Variants in HSPG2 observed in about 807,000 individuals in gnomAD.
The protein encoded by HSPG2 is basement membrane-specific heparan sulfate proteoglycan core protein.
Under a neutral mutation model 526.6 loss-of-function variants are expected in HSPG2, and 278 were observed. The ratio of observed to expected loss-of-function variants is 0.53; its 90% CI spans 0.48 to 0.58. HSPG2 has a LOEUF of 0.58. HSPG2 is among the 20% of genes least tolerant of loss of function. The probability of loss-of-function intolerance (pLI) is 0.00; values close to 1 mark genes in which losing one functional copy is unlikely to be tolerated. For synonymous variants in HSPG2, 2,465 were observed against 2,555.4 expected, an observed-to-expected ratio of 0.96 and a Z score of 1.07; for missense variants, 5,354 against 6,099.5, an observed-to-expected ratio of 0.88 and a Z score of 4.07.
intron 52 of HSPG2, 148 bp downstream of exon 52, chr1:21,852,552 C>G (rs1638984646): frequency 4.4e-6 from 5 of 1,130,486 alleles, no homozygotes; most frequent in Non-Finnish European, 5.2e-6. Context: ...GGTGGTTACT[C>G]TGACAGGTGG....
rs532465289 is a variant in HSPG2 at position 21,878,302 on chromosome 1, G to A, written c.2618-49C>T. On this transcript the variant is annotated intron_variant, in intron 20 of 96. Coordinates refer to ENST00000374695, the MANE Select transcript of HSPG2 (RefSeq NM_005529.7). ...CAGGGCAGGTGGGAATGGGATATAC[G>A]TGGTCCGGGCAGATAGAGGAACAGT... 1.8e-5 allele frequency: 29 copies of A among 1,600,662 alleles called. No homozygotes were observed. The East Asian group carries it at 3.6e-4, about 20-fold the overall frequency.
chr1:21,916,653 T>C (rs1025752745), intron 1 of HSPG2, among the ~76,000 whole-genome samples: 18 of 150,770 alleles, frequency 1.2e-4, no homozygotes, highest in African/African-American at 3.7e-4. Context: ...GATTGCGCCA[T>C]TGCACTCCAG....
chr1:21,880,391 C>T lies in HSPG2; in HGVS notation c.2167G>A (p.Gly723Ser), dbSNP rs1641401970. 1.9e-6 allele frequency: 3 copies of T among 1,614,034 alleles called. No individual in the cohort carries two copies. The highest frequency in any genetic ancestry group is 2.5e-6 in the Non-Finnish European group (3 of 1,180,062). ...CACTCCTCCACACTGTGGGCACGGCCATGGCTGGTGGCATGGGTGACGGTG... is the reference window on the plus strand; with the variant it reads ...CACTCCTCCACACTGTGGGCACGGCTATGGCTGGTGGCATGGGTGACGGTG... ...DTTVTHATSH[G>S]RAHSVEECRC... Residue 723 changes from glycine (G) to serine (S), a missense_variant, in exon 16 of 97, where the codon GGC (glycine) becomes AGC (serine). By Grantham distance (56) the Gly-to-Ser change is moderately conservative. Coordinates refer to ENST00000374695, the MANE Select transcript of HSPG2 (RefSeq NM_005529.7).
rs1642905108 is a variant in HSPG2, at chr1:21,898,519, G to GT, written c.64-2210_64-2209insA. Among the ~76,000 whole-genome samples, 1 of 152,230 alleles carries GT rather than the reference G, an allele frequency of 6.6e-6. No homozygotes were observed. Among genetic ancestry groups the GT allele is most frequent in the Non-Finnish European group, 1.5e-5 (1 of 68,036 alleles). On this transcript the variant is annotated intron_variant, in intron 1 of 96. Coordinates refer to ENST00000374695, the MANE Select transcript of HSPG2 (RefSeq NM_005529.7). The surrounding 1 kb of genome is among the most constrained non-coding windows in gnomAD (Gnocchi z 4.0). Reference sequence around the variant, plus strand: ...GCTCCTTCTCAGAGACAGTGAGTCAGGTTTTTCCATCCCAGGAGGGTGGTC... The same window carrying GT: ...GCTCCTTCTCAGAGACAGTGAGTCAGTGTTTTTCCATCCCAGGAGGGTGGTC...
In HSPG2 at chr1:21,839,659, C is replaced by A. The variant is rs2098040852; in HGVS notation, c.9710-109G>T. On this transcript the variant is annotated intron_variant, in intron 72 of 96. Coordinates refer to ENST00000374695, the MANE Select transcript of HSPG2 (RefSeq NM_005529.7). This position sits in a 1 kb window ranked among gnomAD's most constrained non-coding sequence, Gnocchi z 4.5. ...GGGTGATCCTGTCCCTCTATGGGGA[C>A]CCCAGTTGGGTTCCTCGGCCATCAC... The A allele has an allele frequency of 4.2e-6, 6 of 1,433,818 alleles. No individual in the cohort carries two copies. The South Asian group carries it at 7.2e-5, about 17-fold the overall frequency. The allele number at this position is 1,433,818 out of a possible 1,614,324, so 88.8% of individuals were successfully genotyped here. A position where few individuals can be genotyped will look rare whatever the true frequency, so the allele number is the denominator to read the frequency against.
At position 21,829,367 on chromosome 1, in the gene HSPG2, G is replaced by T. The variant is rs773533285; in HGVS notation, c.11992+16C>A. On this transcript the variant is annotated intron_variant, in intron 87 of 96. Transcript: ENST00000374695. ...GCTTGGTGTGCAGAGCCCCGCATTTGGTGCTGGGTGCTTACCTGACCCCAA... is the reference window on the plus strand; with the variant it reads ...GCTTGGTGTGCAGAGCCCCGCATTTTGTGCTGGGTGCTTACCTGACCCCAA... The T allele has an allele frequency of 1.6e-5, 26 of 1,610,416 alleles. No individual in the cohort carries two copies. The South Asian group carries it at 2.6e-4, about 16-fold the overall frequency.
At chr1:21,829,882 G>A (rs1557674517) in intron 86 of HSPG2, 111 bp downstream of exon 86, 17 of 996,120 alleles carry the variant, frequency 1.7e-5, no homozygotes, top group Non-Finnish European at 2.5e-5. Flanking sequence ...AGATCCTCTG[G>A]CTTGGGAATC....
chr1:21,927,177 C>A (rs1644219967), intron 1 of HSPG2, among the ~76,000 whole-genome samples: 1 of 152,222 alleles, frequency 6.6e-6, no homozygotes, highest in Non-Finnish European at 1.5e-5. Context: ...AGGCCCCAGC[C>A]AGGCCTCCCC....
chr1:21,827,741 C>T, intron 91 of HSPG2, 122 bp downstream of exon 91: 1 of 1,056,730 alleles, frequency 9.5e-7, no homozygotes, highest in Non-Finnish European at 1.4e-6. Context: ...TTCATTCTGT[C>T]TCTCTGCCCA....
rs1191741336 is a variant in HSPG2 at position 21,828,173 on chromosome 1, G to A, written c.12410-21C>T. The A allele has an allele frequency of 1.3e-5, 20 of 1,536,628 alleles. No homozygotes were observed. Among genetic ancestry groups the A allele is most frequent in the South Asian group, 2.2e-5 (2 of 89,718 alleles). Reference sequence around the variant, plus strand: ...GTCTCCTGTGGGCCAGGGCAGAGGCGAGTGGGTGGGTGGGCATGGGCTGGA... The same window carrying A: ...GTCTCCTGTGGGCCAGGGCAGAGGCAAGTGGGTGGGTGGGCATGGGCTGGA... On this transcript the variant is annotated intron_variant, in intron 89 of 96. Transcript: ENST00000374695. The surrounding 1 kb of genome is among the most constrained non-coding windows in gnomAD (Gnocchi z 6.0).
At chr1:21,902,061 C>A (rs1434894334) in intron 1 of HSPG2, among the ~76,000 whole-genome samples, 1 of 152,220 alleles carries the variant, frequency 6.6e-6, no homozygotes, top group Non-Finnish European at 1.5e-5. Context: ...TGCCCCACCC[C>A]CAGGCCACCC....
chr1:21,869,160 G>A (rs1280584192), intron 33 of HSPG2, among the ~76,000 whole-genome samples: 25 of 152,130 alleles, frequency 1.6e-4, no homozygotes, highest in African/African-American at 2.4e-5. Context: ...TCCCAATCCC[G>A]GCCCAGGTCC....
intron 1 of HSPG2, among the ~76,000 whole-genome samples, chr1:21,905,608 G>A (rs1279231194): frequency 6.6e-6 from 1 of 152,230 alleles, no homozygotes; most frequent in African/African-American, 2.4e-5. Flanking sequence ...CTGGTGTGGT[G>A]GCAGGCGCCT....
intron 1 of HSPG2, among the ~76,000 whole-genome samples, chr1:21,920,968 C>T (rs1223204711): frequency 6.6e-6 from 1 of 152,224 alleles, no homozygotes; most frequent in Non-Finnish European, 1.5e-5. Context: ...TCTTCCAGCT[C>T]ATCCCCAACG....
At chr1:21,823,903 C>A in intron 95 of HSPG2, 184 bp from the exon 96 acceptor site, 1 of 724,082 alleles carries the variant, frequency 1.4e-6, no homozygotes, top group Non-Finnish European at 2.4e-6. Context: ...CTCATTTCTG[C>A]ACCCAGGTTT....
chr1:21,890,775 G>T lies in HSPG2; in HGVS notation c.245-81C>A. On this transcript the variant is annotated intron_variant, in intron 3 of 96. Coordinates refer to ENST00000374695, the MANE Select transcript of HSPG2 (RefSeq NM_005529.7). This position sits in a 1 kb window ranked among gnomAD's most constrained non-coding sequence, Gnocchi z 4.1. ...TAGGCAGTTGGACCATTCAGGCAGA[G>T]TTGGGGGGATGGCCCCCAGAGGCCT... 2 of 1,065,222 alleles carry T rather than the reference G, an allele frequency of 1.9e-6. No individual in the cohort carries two copies. The highest frequency in any genetic ancestry group is 2.9e-6 in the Non-Finnish European group (2 of 698,000). The allele number at this position is 1,065,222 out of a possible 1,614,324, so 66.0% of individuals were successfully genotyped here. A position where few individuals can be genotyped will look rare whatever the true frequency, so the allele number is the denominator to read the frequency against.
At chr1:21,922,987 AG>A (rs1243751315) in intron 1 of HSPG2, among the ~76,000 whole-genome samples, 2 of 150,338 alleles carry the variant, frequency 1.3e-5, no homozygotes, top group Non-Finnish European at 3.0e-5. Flanking sequence ...GAAGGCGGGG[AG>A]GGAAAAAAGA....
chr1:21,869,461 C>G (rs1342572972), intron 33 of HSPG2: 1 of 986,274 alleles, frequency 1.0e-6, no homozygotes, highest in Admixed American at 6.1e-5. Context: ...CACCTTGGCA[C>G]ATACCTGAGA....
chr1:21,852,618 A>C, intron 52 of HSPG2, 82 bp downstream of exon 52: 1 of 1,590,218 alleles, frequency 6.3e-7, no homozygotes, highest in Non-Finnish European at 8.6e-7. Context: ...CTGCCCTGTC[A>C]GCAAGAGGGG....
Sources: gnomAD v4.1 joint callset for allele counts (sites outside exome capture counted in the v4.1 genomes callset) on GRCh38, gnomAD v4.1.1 for gene constraint, Gnocchi (gnomAD v3.1) non-coding constraint, MANE v1.5 for transcripts, NCBI Gene and HGNC (gene_info 2026-07-23, HGNC 2026-07-21) for gene names.